The following CELF2 variants were observed in gnomAD, a reference collection of about 807,000 sequenced individuals.
CELF2 encodes CUGBP Elav-like family member 2.
Under a neutral mutation model 62.6 loss-of-function variants are expected in CELF2, and 8 were observed. The observed-to-expected ratio is 0.13, with a 90% CI of 0.07 to 0.23. The LOEUF (loss-of-function observed/expected upper bound fraction) is 0.23. Among genes scored for constraint, CELF2 ranks in the 10% least tolerant of loss-of-function variants. The pLI is 1.00. For missense variants in CELF2, 333 were observed against 671.0 expected (o/e 0.50, Z 5.56); for synonymous variants, 258 against 250.0 (o/e 1.03, Z -0.30).
At chr10:10,753,655 C>T in the CELF2 span, among the ~76,000 whole-genome samples, 10 of 152,308 alleles carry the variant, frequency 6.6e-5, no homozygotes, top group South Asian at 1.5e-3. Flanking sequence ...TAAAAAATCA[C>T]AAGTCTTTTG....
the CELF2 span, among the ~76,000 whole-genome samples, chr10:10,627,236 G>A: frequency 7.0e-4 from 107 of 152,178 alleles, no homozygotes; most frequent in African/African-American, 2.5e-3. Context: ...GAAGACCTCT[G>A]AATAAACAGA....
At chr10:11,019,938 A>G (rs952406758) in intron 1 of CELF2, among the ~76,000 whole-genome samples, 7 of 152,088 alleles carry the variant, frequency 4.6e-5, no homozygotes, top group African/African-American at 1.7e-4. Context: ...TTTTGAATTT[A>G]TGGTCACCTG....
intron 5 of CELF2, among the ~76,000 whole-genome samples, chr10:11,261,575 G>A (rs937523282): frequency 2.0e-5 from 3 of 152,216 alleles, no homozygotes; most frequent in Non-Finnish European, 4.4e-5. Flanking sequence ...CACCTGCCAA[G>A]CACCTGGAGC....
At chr10:10,763,057 C>T in the CELF2 span, among the ~76,000 whole-genome samples, 1 of 152,354 alleles carries the variant, frequency 6.6e-6, no homozygotes, top group East Asian at 1.9e-4. Flanking sequence ...AAGATTTCTA[C>T]ATGCGATCTC....
rs1008036071 is a variant in CELF2, at chr10:10,930,603, G to C, written c.89+10604G>C. On this transcript the variant is annotated intron_variant, in intron 2 of 13. Coordinates refer to the CELF2 transcript ENST00000636488. Reference sequence around the variant, plus strand: ...AGAGAATTGGAGATTTATTCATTCTGTTTGTGGAAGCATTCATATCTTCAG... The same window carrying C: ...AGAGAATTGGAGATTTATTCATTCTCTTTGTGGAAGCATTCATATCTTCAG... Among the ~76,000 whole-genome samples the C allele has an allele frequency of 5.9e-5, 9 of 152,132 alleles. 1 individual carries two copies. The highest frequency in any genetic ancestry group is 5.2e-4 in the Admixed American group (8 of 15,280).
At chr10:10,816,033 C>T (rs2056434358) in intron 1 of CELF2, among the ~76,000 whole-genome samples, 1 of 151,914 alleles carries the variant, frequency 6.6e-6, no homozygotes, top group Non-Finnish European at 1.5e-5. Flanking sequence ...ACACCATCCT[C>T]CTACATAGAC....
the CELF2 span, among the ~76,000 whole-genome samples, chr10:10,792,800 T>C: frequency 1.3e-5 from 2 of 152,274 alleles, no homozygotes; most frequent in African/African-American, 4.8e-5. Flanking sequence ...AAGCTCTTTT[T>C]TCCCCCCTAC....
rs1261135245 is a variant in CELF2, at chr10:11,334,296, T to C, written c.*5243T>C. ...GAAACAGTCAAACTTATTTTTGTAA[T>C]GTATGTTATTGTGTGATGCAGTTTT... On this transcript the variant is annotated 3_prime_UTR_variant, in exon 13 of 13. Coordinates refer to ENST00000633077, the MANE Select transcript of CELF2 (RefSeq NM_001326342.2). 6.6e-6 allele frequency: 1 copy of C among 152,668 alleles called. No individual in the cohort carries two copies. Among genetic ancestry groups the C allele is most frequent in the Non-Finnish European group, 1.5e-5 (1 of 68,050 alleles). 9.5% of individuals were successfully genotyped at this position (152,668 alleles called of 1,614,324 possible).
the CELF2 span, among the ~76,000 whole-genome samples, chr10:10,667,856 T>C: frequency 6.6e-6 from 1 of 152,234 alleles, no homozygotes; most frequent in Admixed American, 6.5e-5. Context: ...AGAATGGCAG[T>C]GCATTGCAGC....
chr10:10,839,299 A>G (rs1308087812), intron 1 of CELF2, among the ~76,000 whole-genome samples: 1 of 152,196 alleles, frequency 6.6e-6, no homozygotes, highest in Non-Finnish European at 1.5e-5. Context: ...AAATATCTCT[A>G]CATGTAACCC....
At position 11,242,524 on chromosome 10, in the gene CELF2, C is replaced by T. The variant is rs2074268309; in HGVS notation, c.355-6629C>T. Among the ~76,000 whole-genome samples, 1 of 152,216 alleles carries T rather than the reference C, an allele frequency of 6.6e-6. No homozygotes were observed. Among genetic ancestry groups the T allele is most frequent in the African/African-American group, 2.4e-5 (1 of 41,448 alleles). On this transcript the variant is annotated intron_variant, in intron 3 of 12. Transcript: ENST00000633077. This position sits in a 1 kb window ranked among gnomAD's most constrained non-coding sequence, Gnocchi z 4.8. ...AGAGTATAGCTGCTGGGTGCAGCTG[C>T]TCCGTGGCCAGCTTCACGGCGGCAC...
Position 10,930,319 on chromosome 10 carries a change from G to A in CELF2, c.89+10320G>A, listed in dbSNP as rs1564836964. 2.6e-5 allele frequency among the ~76,000 whole-genome samples: 4 copies of A among 152,286 alleles called. No homozygotes were observed. The South Asian group carries it at 8.3e-4, about 32-fold the overall frequency. ...TGATACCCTATTTGGCTCTTTATAA[G>A]AGGATAGCAAAGACATACTTTAAAA... On this transcript the variant is annotated intron_variant, in intron 2 of 13. Transcript: ENST00000636488.
chr10:10,912,147 G>A (rs2063866146), intron 1 of CELF2, among the ~76,000 whole-genome samples: 3 of 152,144 alleles, frequency 2.0e-5, no homozygotes, highest in Admixed American at 1.3e-4. Flanking sequence ...AGAAAGGGAG[G>A]TGAGGATGGA....
intron 5 of CELF2, among the ~76,000 whole-genome samples, chr10:11,263,750 G>T (rs1394877173): frequency 6.6e-6 from 1 of 152,200 alleles, no homozygotes; most frequent in Non-Finnish European, 1.5e-5. Context: ...TACATTGGAG[G>T]CCTAATCCTA....
upstream of CELF2, chr10:10,798,502 CA>C: frequency 2.8e-6 from 1 of 361,314 alleles, no homozygotes; most frequent in Non-Finnish European, 4.9e-6. Context: ...AAGTGGGCTA[CA>C]AAAAGGTCAA....
At chr10:10,624,250 C>A in the CELF2 span, among the ~76,000 whole-genome samples, 1 of 152,334 alleles carries the variant, frequency 6.6e-6, no homozygotes, top group Non-Finnish European at 1.5e-5. Context: ...CAAATTTCTA[C>A]AATCCATGCC....
At chr10:10,998,304 C>A (rs1411285377) in intron 2 of CELF2, among the ~76,000 whole-genome samples, 1 of 152,166 alleles carries the variant, frequency 6.6e-6, no homozygotes, top group Non-Finnish European at 1.5e-5. Context: ...CCTCACTCAG[C>A]CCTAGGCTAC....
At position 10,804,385 on chromosome 10, in the gene CELF2, T is replaced by C. The variant is rs1361591628; in HGVS notation, c.53+5568T>C. On this transcript the variant is annotated intron_variant, in intron 1 of 13. Coordinates refer to the CELF2 transcript ENST00000636488. The stretch of plus-strand genomic sequence containing the variant: ...AGGGCCCATAGTCTAACTTGGTCCA[T>C]GATCTAGACTAATGATCTGACTAGC... Among the ~76,000 whole-genome samples the C allele has an allele frequency of 1.1e-4, 17 of 152,374 alleles. 1 individual carries two copies. In the South Asian group the frequency reaches 2.7e-3, roughly 24 times the overall value.
intron 1 of CELF2, among the ~76,000 whole-genome samples, chr10:10,866,724 A>T (rs983742372): frequency 2.0e-5 from 3 of 151,816 alleles, no homozygotes; most frequent in Non-Finnish European, 4.4e-5. Flanking sequence ...TGGGAGGCCA[A>T]AGTGGGCAGA....
Sources: gnomAD v4.1 joint callset for allele counts (sites outside exome capture counted in the v4.1 genomes callset) on GRCh38, gnomAD v4.1.1 for gene constraint, Gnocchi (gnomAD v3.1) non-coding constraint, MANE v1.5 for transcripts, NCBI Gene and HGNC (gene_info 2026-07-23, HGNC 2026-07-21) for gene names.